The following TRANK1 variants were observed in gnomAD, a reference collection of about 807,000 sequenced individuals.
TRANK1 encodes the protein TPR and ankyrin repeat-containing protein 1.
TRANK1 carries 198 observed loss-of-function variants against 266.0 expected under a neutral mutation model. The ratio of observed to expected loss-of-function variants is 0.74; its 90% CI spans 0.66 to 0.84. The LOEUF (loss-of-function observed/expected upper bound fraction) is 0.84. Ranked by LOEUF, TRANK1 falls within the 40% of genes least tolerant of loss-of-function variation. TRANK1 has a pLI of 0.00. For synonymous variants in TRANK1, 1,396 were observed against 1,384.1 expected (o/e 1.01, Z -0.19); for missense variants, 3,326 against 3,634.6 (o/e 0.92, Z 2.18).
At chr3:36,907,511 A>G (rs1378036267) in intron 2 of TRANK1, among the ~76,000 whole-genome samples, 1 of 125,962 alleles carries the variant, frequency 7.9e-6, no homozygotes, top group Non-Finnish European at 1.6e-5. Context: ...GTCGCCCAGG[A>G]TGGAGTGCAG....
At chr3:36,872,938 A>G (rs576811323) in intron 9 of TRANK1, among the ~76,000 whole-genome samples, 90 of 152,320 alleles carry the variant, frequency 5.9e-4, no homozygotes, top group African/African-American at 2.1e-3. Flanking sequence ...GAGGGGGAAA[A>G]AATGAGACTG....
Position 36,944,850 on chromosome 3 carries a change from G to A in TRANK1, c.-41C>T, listed in dbSNP as rs922484884. The A allele has an allele frequency of 4.8e-5, 69 of 1,440,868 alleles. No homozygotes were observed. The highest frequency in any genetic ancestry group is 5.7e-5 in the Non-Finnish European group (63 of 1,103,536). The allele number at this position is 1,440,868 out of a possible 1,614,324, so 89.3% of individuals were successfully genotyped here. A position where few individuals can be genotyped will look rare whatever the true frequency, so the allele number is the denominator to read the frequency against. ...GTCCGCACCAGGACCGCCGCCGCCT[G>A]GGGAAGCGCTTCCCTGTGGGCAGGG... On this transcript the variant is annotated 5_prime_UTR_variant, in exon 1 of 24. Transcript: ENST00000645898.
chr3:36,907,033 G>C (rs977742769), intron 2 of TRANK1, among the ~76,000 whole-genome samples: 1 of 152,218 alleles, frequency 6.6e-6, no homozygotes, highest in African/African-American at 2.4e-5. Flanking sequence ...ACAGATGTAA[G>C]AAGCCAGCTG....
At chr3:36,890,116 T>TA (rs550864115) in intron 7 of TRANK1, among the ~76,000 whole-genome samples, 156 bp from the exon 8 acceptor site, 74 of 152,316 alleles carry the variant, frequency 4.9e-4, no homozygotes, top group African/African-American at 1.6e-3. Context: ...GAATCCAACA[T>TA]ACGTTTCCAC....
chr3:36,940,302 C>T (rs1361203347), intron 1 of TRANK1, among the ~76,000 whole-genome samples: 3 of 151,440 alleles, frequency 2.0e-5, no homozygotes, highest in African/African-American at 7.2e-5. Flanking sequence ...TCGAGACCAT[C>T]CTGGCTAACA....
In TRANK1 at chr3:36,857,326, T is replaced by A; in HGVS notation, c.2396A>T (p.Gln799Leu). 1 of 1,608,954 alleles carries A rather than the reference T, an allele frequency of 6.2e-7. No homozygotes were observed. The part of the protein sequence containing the change: ...GHAQVGLGAL[Q>L]LVPDDNRGKE... ...CCCCCTGTTATCATCAGGCACAAGC[T>A]GCAAGGCCCCAAGGCCCACCTGAGC... Residue 799 changes from glutamine (Q) to leucine (L), a missense_variant, in exon 13 of 24, where the codon CAG (glutamine) becomes CTG (leucine). Physicochemically the swap from Gln to Leu is moderately radical, Grantham distance 113 (BLOSUM62 -2). Coordinates refer to ENST00000645898, the MANE Select transcript of TRANK1 (RefSeq NM_001329998.2). This position sits in a 1 kb window ranked among gnomAD's most constrained non-coding sequence, Gnocchi z 4.3.
Position 36,879,743 on chromosome 3 carries a change from A to AAT in TRANK1, c.908-5449_908-5448dup, listed in dbSNP as rs1553624302. Reference sequence around the variant, plus strand: ...ATATATAAATATATATAAATATACAAATATATAAATATATATAAATATATA... The same window carrying AAT: ...ATATATAAATATATATAAATATACAAATATATATAAATATATATAAATATATA... On this transcript the variant is annotated intron_variant, in intron 8 of 23. Transcript: ENST00000645898. Among the ~76,000 whole-genome samples the AAT allele has an allele frequency of 3.3e-4, 35 of 105,328 alleles. 8 individuals carry two copies. The highest frequency in any genetic ancestry group is 5.7e-4 in the Non-Finnish European group (32 of 56,330). The allele number at this position is 105,328 out of a possible 152,430, so 69.1% of individuals were successfully genotyped here.
Position 36,892,874 on chromosome 3 carries a change from TATATATAG to T in TRANK1, c.636+19_636+26del. The T allele has an allele frequency of 7.3e-6, 6 of 824,550 alleles. No homozygotes were observed. The highest frequency in any genetic ancestry group is 9.9e-6 in the Non-Finnish European group (6 of 609,088). 51.1% of individuals were successfully genotyped at this position (824,550 alleles called of 1,614,324 possible). A position where few individuals can be genotyped will look rare whatever the true frequency, so the allele number is the denominator to read the frequency against. On this transcript the variant is annotated intron_variant, in intron 6 of 23. Coordinates refer to ENST00000645898, the MANE Select transcript of TRANK1 (RefSeq NM_001329998.2). ...AAACATATATATATATATATATAGA[TATATATAG>T]ATATATATATCACCTTACCTCAAAG...
In TRANK1 at chr3:36,832,994, C is replaced by A. The variant is rs771905514; in HGVS notation, c.6589G>T (p.Val2197Leu). 3.1e-6 allele frequency: 5 copies of A among 1,611,740 alleles called. No homozygotes were observed. The highest frequency in any genetic ancestry group is 4.2e-6 in the Non-Finnish European group (5 of 1,178,744). The change falls in exon 22 of 24, where the codon GTA becomes TTA. Residue 2197 changes from valine (V) to leucine (L), a missense_variant. Physicochemically the swap from Val to Leu is conservative, Grantham distance 32 (BLOSUM62 1). Transcript: ENST00000645898. The stretch of plus-strand genomic sequence containing the variant: ...TTTTCATCCTCACATTTTAAGCCTA[C>A]AATAAACCTCATGCAGACTCCTCGG... ...TYRGVCMRFI[V>L]GLKCEDENCE...
At chr3:36,858,120 G>A (rs2079085370) in intron 12 of TRANK1, 71 bp from the exon 13 acceptor site, 6 of 1,293,268 alleles carry the variant, frequency 4.6e-6, no homozygotes, top group South Asian at 1.6e-5. Flanking sequence ...CCTGGGGTTT[G>A]AGAGTGATGC....
At chr3:36,921,825 T>C (rs986259129) in intron 1 of TRANK1, among the ~76,000 whole-genome samples, 4 of 152,296 alleles carry the variant, frequency 2.6e-5, no homozygotes, top group African/African-American at 9.6e-5. Context: ...TTGTTTAAGT[T>C]AGGCTTTCTG....
chr3:36,900,695 G>A (rs2079861781), intron 3 of TRANK1, among the ~76,000 whole-genome samples: 1 of 151,432 alleles, frequency 6.6e-6, no homozygotes, highest in African/African-American at 2.4e-5. Context: ...GGGCAACATA[G>A]TGAGACCCTG....
At chr3:36,921,823 G>A (rs2080217336) in intron 1 of TRANK1, among the ~76,000 whole-genome samples, 1 of 152,148 alleles carries the variant, frequency 6.6e-6, no homozygotes, top group Non-Finnish European at 1.5e-5. Context: ...TATTGTTTAA[G>A]TTAGGCTTTC....
chr3:36,843,584 C>G (rs2078877199), intron 17 of TRANK1, among the ~76,000 whole-genome samples: 1 of 151,964 alleles, frequency 6.6e-6, no homozygotes, highest in Non-Finnish European at 1.5e-5. Flanking sequence ...ACCCCACCCC[C>G]ACCCTGCCAC....
At chr3:36,869,500 A>C (rs2125566726) in intron 9 of TRANK1, among the ~76,000 whole-genome samples, 1 of 152,380 alleles carries the variant, frequency 6.6e-6, no homozygotes, top group South Asian at 2.1e-4. Flanking sequence ...AGATGCAAAA[A>C]ACAAATGTTA....
At chr3:36,945,220 C>T (rs767505713), upstream of TRANK1, 2 of 182,284 alleles carry the variant, frequency 1.1e-5, no homozygotes, top group Non-Finnish European at 2.3e-5. Flanking sequence ...TGCTTCGAAC[C>T]CTTTACCAGG....
At chr3:36,853,543 G>C (rs2079012380) in intron 13 of TRANK1, among the ~76,000 whole-genome samples, 1 of 152,138 alleles carries the variant, frequency 6.6e-6, no homozygotes, top group Non-Finnish European at 1.5e-5. Flanking sequence ...GTTAGCAGGG[G>C]CCAAATATAT....
chr3:36,852,126 T>C lies in TRANK1; in HGVS notation c.4749+20A>G, dbSNP rs780006793. 6.4e-7 allele frequency: 1 copy of C among 1,556,672 alleles called. No individual in the cohort carries two copies. Among genetic ancestry groups the C allele is most frequent in the South Asian group, 1.2e-5 (1 of 82,588 alleles). On this transcript the variant is annotated intron_variant, in intron 14 of 23. Transcript: ENST00000645898. ...GCAAACTGTCTTTTATTTCAAAACA[T>C]AAAATCCCAAGCAGCTCACCTGGTG...
At position 36,832,301 on chromosome 3, in the gene TRANK1, T is replaced by C. The variant is rs903718209; in HGVS notation, c.7282A>G (p.Arg2428Gly). Reference protein sequence around the residue: ...YVYRNPEDYKRLFFRFMNVLI... With the variant: ...YVYRNPEDYKGLFFRFMNVLI... The stretch of plus-strand genomic sequence containing the variant: ...ACATTCATGAAACGGAAAAAGAGCC[T>C]CTTGTAGTCTTCTGGGTTCCTGTAC... Residue 2428 changes from arginine to glycine, a missense_variant, in exon 22 of 24, where the codon AGG (arginine) becomes GGG (glycine). Physicochemically the swap from Arg to Gly is moderately radical, Grantham distance 125 (BLOSUM62 -2). Coordinates refer to ENST00000645898, the MANE Select transcript of TRANK1 (RefSeq NM_001329998.2). 3.1e-6 allele frequency: 5 copies of C among 1,613,868 alleles called. No homozygotes were observed. In the African/African-American group the frequency reaches 4.0e-5, roughly 13 times the overall value.
Sources: allele counts gnomAD v4.1 joint callset (sites outside exome capture counted in the v4.1 genomes callset), GRCh38; gene constraint gnomAD v4.1.1; non-coding constraint Gnocchi (gnomAD v3.1); transcripts MANE v1.5; gene names NCBI Gene and HGNC (gene_info 2026-07-23, HGNC 2026-07-21).